Variants in KCNMB2 observed in about 807,000 individuals in gnomAD.
The protein encoded by KCNMB2 is potassium calcium-activated channel subfamily M regulatory beta subunit 2, also known as calcium-activated potassium channel subunit beta-2.
KCNMB2 carries 9 observed loss-of-function variants against 24.5 expected under a neutral mutation model. The observed-to-expected ratio is 0.37, with a 90% CI of 0.22 to 0.64. KCNMB2 has a LOEUF of 0.64. KCNMB2 is among the 30% of genes least tolerant of loss of function. KCNMB2 has a pLI of 0.63. For missense variants in KCNMB2, 226 were observed against 284.3 expected (o/e 0.79, Z 1.47); for synonymous variants, 109 against 104.4 (o/e 1.04, Z -0.27).
intron 1 of KCNMB2, among the ~76,000 whole-genome samples, chr3:178,707,528 T>C (rs1722317577): frequency 6.6e-6 from 1 of 152,106 alleles, no homozygotes; most frequent in Admixed American, 6.6e-5. Flanking sequence ...CAGGATCAAG[T>C]GGTGATTACC....
chr3:178,576,934 T>C (rs918695510), intron 1 of KCNMB2, among the ~76,000 whole-genome samples: 1 of 152,200 alleles, frequency 6.6e-6, no homozygotes, highest in African/African-American at 2.4e-5. Flanking sequence ...GACTTAAATA[T>C]TCCTGACTGC....
At chr3:178,679,301 G>T (rs1365179246) in intron 1 of KCNMB2, among the ~76,000 whole-genome samples, 1 of 152,016 alleles carries the variant, frequency 6.6e-6, no homozygotes, top group Non-Finnish European at 1.5e-5. Context: ...TGCACTCATG[G>T]TTCACTGCAG....
At chr3:178,765,773 A>T (rs7637320) in intron 1 of KCNMB2, among the ~76,000 whole-genome samples, 51,308 of 152,012 alleles carry the variant, frequency 0.34, 10,170 homozygotes, top group African/African-American at 0.56. Flanking sequence ...CCCTAGTACC[A>T]ATAACTCCTT....
chr3:178,627,120 T>C (rs9290659), intron 1 of KCNMB2, among the ~76,000 whole-genome samples: 78,218 of 151,676 alleles, frequency 0.52, 20,769 homozygotes, highest in African/African-American at 0.64. Context: ...GTTGGCTAGA[T>C]TATTTATAAA....
chr3:178,723,002 T>C (rs1722858435), intron 1 of KCNMB2, among the ~76,000 whole-genome samples: 1 of 152,022 alleles, frequency 6.6e-6, no homozygotes, highest in Non-Finnish European at 1.5e-5. Context: ...GCTGTCTTTG[T>C]ATCTTTGTAA....
chr3:178,728,247 G>A lies in KCNMB2; in HGVS notation c.-67-79096G>A, dbSNP rs375685356. Among the ~76,000 whole-genome samples, 18 of 152,188 alleles carry A rather than the reference G, an allele frequency of 1.2e-4. No homozygotes were observed. In the East Asian group the frequency reaches 2.9e-3, roughly 24 times the overall value. On this transcript the variant is annotated intron_variant, in intron 1 of 4. Transcript: ENST00000452583. ...GAATCAGACATAATAAAGATGGGTGGCTTCACCCAGACATGGACCCTAACA... is the reference window on the plus strand; with the variant it reads ...GAATCAGACATAATAAAGATGGGTGACTTCACCCAGACATGGACCCTAACA...
chr3:178,615,994 G>A (rs1042404823), intron 1 of KCNMB2, among the ~76,000 whole-genome samples: 3 of 152,100 alleles, frequency 2.0e-5, no homozygotes, highest in Non-Finnish European at 4.4e-5. Context: ...GGAACTTCAC[G>A]ACTCTGACTG....
chr3:178,703,435 C>T (rs1402053454), intron 1 of KCNMB2, among the ~76,000 whole-genome samples: 2 of 152,136 alleles, frequency 1.3e-5, no homozygotes, highest in Admixed American at 6.6e-5. Flanking sequence ...TCCATTTGTA[C>T]TCCTCTGGCC....
At position 178,721,587 on chromosome 3, in the gene KCNMB2, C is replaced by T. The variant is rs548030738; in HGVS notation, c.-67-85756C>T. 1.6e-3 allele frequency among the ~76,000 whole-genome samples: 240 copies of T among 152,192 alleles called. 1 individual carries two copies. Among genetic ancestry groups the T allele is most frequent in the African/African-American group, 5.6e-3 (232 of 41,520 alleles). ...AGTTTTTATTTTTCTGGAATGAAAA[C>T]CCCAGAGCGCAATTACTGGGTTCAT... On this transcript the variant is annotated intron_variant, in intron 1 of 4. Coordinates refer to ENST00000452583, the MANE Select transcript of KCNMB2 (RefSeq NM_181361.3).
At chr3:178,690,042 T>C (rs1721613332) in intron 1 of KCNMB2, among the ~76,000 whole-genome samples, 1 of 152,214 alleles carries the variant, frequency 6.6e-6, no homozygotes, top group Non-Finnish European at 1.5e-5. Flanking sequence ...CAAAATTTTA[T>C]ATAATAAAAA....
intron 1 of KCNMB2, among the ~76,000 whole-genome samples, chr3:178,709,893 A>G (rs1225109805): frequency 6.6e-6 from 1 of 152,164 alleles, no homozygotes; most frequent in Non-Finnish European, 1.5e-5. Context: ...TTACAGATAA[A>G]GCAGCTGAGA....
intron 1 of KCNMB2, among the ~76,000 whole-genome samples, chr3:178,570,515 C>CTTTTTTTTTTTTTTTTT (rs200106452): frequency 8.7e-6 from 1 of 114,598 alleles, no homozygotes; most frequent in African/African-American, 3.0e-5. Context: ...GTAATGATAC[C>CTTTTTTTTTTTTTTTTT]TTTTTTTTTT....
chr3:178,644,117 C>A (rs1174030297), intron 1 of KCNMB2, among the ~76,000 whole-genome samples: 1 of 152,158 alleles, frequency 6.6e-6, no homozygotes, highest in Non-Finnish European at 1.5e-5. Flanking sequence ...AATGATAATA[C>A]CCTCCGAGCA....
intron 1 of KCNMB2, among the ~76,000 whole-genome samples, chr3:178,757,936 CACAAGGGGATATATAGACACAAGAGG>C (rs1724212883): frequency 1.7e-5 from 1 of 57,666 alleles, no homozygotes; most frequent in Non-Finnish European, 3.2e-5. Context: ...TATATATATA[CACAAGGGGATATATAGACACAAGAGG>C]ATATATATAT....
At chr3:178,554,683 G>C (rs1218673229) in intron 1 of KCNMB2, among the ~76,000 whole-genome samples, 1 of 152,102 alleles carries the variant, frequency 6.6e-6, no homozygotes, top group Non-Finnish European at 1.5e-5. Context: ...ACTCAAGTTT[G>C]CATTATTTCT....
intron 1 of KCNMB2, among the ~76,000 whole-genome samples, chr3:178,542,512 G>T (rs1715653221): frequency 6.6e-6 from 1 of 152,088 alleles, no homozygotes; most frequent in South Asian, 2.1e-4. Flanking sequence ...TAATCAAATT[G>T]CTCAAGGTCA....
chr3:178,741,260 C>G (rs1409843986), intron 1 of KCNMB2, among the ~76,000 whole-genome samples: 1 of 152,102 alleles, frequency 6.6e-6, no homozygotes, highest in Non-Finnish European at 1.5e-5. Context: ...ATTCTCCCAC[C>G]TATAAAATGG....
intron 1 of KCNMB2, among the ~76,000 whole-genome samples, chr3:178,703,703 T>A (rs1242591424): frequency 1.3e-5 from 2 of 152,356 alleles, no homozygotes; most frequent in East Asian, 1.9e-4. Flanking sequence ...CATGAATGTA[T>A]GAACATTCTC....
chr3:178,624,140 C>A (rs553490919), intron 1 of KCNMB2, among the ~76,000 whole-genome samples: 1 of 152,098 alleles, frequency 6.6e-6, no homozygotes, highest in African/African-American at 2.4e-5. Context: ...CAAATTGCCA[C>A]CAGCATTCAA....
Sources: allele counts gnomAD v4.1 joint callset (sites outside exome capture counted in the v4.1 genomes callset), GRCh38; gene constraint gnomAD v4.1.1; transcripts MANE v1.5; gene names NCBI Gene and HGNC (gene_info 2026-07-23, HGNC 2026-07-21).